Variants in FTL observed in about 807,000 individuals in gnomAD.
FTL encodes epididymis secretory sperm binding protein.
FTL carries 17 observed loss-of-function variants against 16.6 expected under a neutral mutation model. That is an observed-to-expected ratio of 1.02 (90% confidence interval 0.70 to 1.53). The LOEUF is 1.53. FTL is among the 40% of genes most tolerant of loss of function. FTL has a pLI of 0.00. For synonymous variants in FTL, 73 were observed against 89.9 expected, an observed-to-expected ratio of 0.81 and a Z score of 1.06; for missense variants, 186 against 226.1, an observed-to-expected ratio of 0.82 and a Z score of 1.14.
chr19:48,965,836 G>A lies in FTL; in HGVS notation c.169G>A (p.Glu57Lys), dbSNP rs201241191. ...GAGCCACTTCTTCCGCGAATTGGCC[G>A]AGGAGAAGCGCGAGGGCTACGAGCG... ...GVSHFFRELA[E>K]EKREGYERLL... Residue 57 changes from glutamate to lysine, a missense_variant, in exon 2 of 4, where the codon GAG (glutamate) becomes AAG (lysine). Glu to Lys is a moderately conservative substitution (Grantham distance 56, BLOSUM62 1). Transcript: ENST00000331825. 177 of 1,614,072 alleles carry A rather than the reference G, an allele frequency of 1.1e-4. 1 individual carries two copies. The highest frequency in any genetic ancestry group is 1.6e-4 in the Middle Eastern group (1 of 6,084).
chr19:48,965,572 A>G lies in FTL; in HGVS notation c.65A>G (p.Asn22Ser). The G allele has an allele frequency of 6.2e-7, 1 of 1,613,990 alleles. No homozygotes were observed. Among genetic ancestry groups the G allele is most frequent in the Non-Finnish European group, 8.5e-7 (1 of 1,179,922 alleles). The change falls in exon 1 of 4, where the codon AAT becomes AGT. Residue 22 changes from asparagine (N) to serine (S), a missense_variant. Physicochemically the swap from Asn to Ser is conservative, Grantham distance 46 (BLOSUM62 1). Transcript: ENST00000331825. The part of the protein sequence containing the change: ...DVEAAVNSLV[N>S]LYLQASYTYL... Reference sequence around the variant, plus strand: ...GAGGCAGCCGTCAACAGCCTGGTCAATTTGTACCTGCAGGCCTCCTACACC... The same window carrying G: ...GAGGCAGCCGTCAACAGCCTGGTCAGTTTGTACCTGCAGGCCTCCTACACC...
chr19:48,966,700 T>TATC lies in FTL; in HGVS notation c.494_496dup (p.Tyr165_Leu166insHis). On this transcript the variant is annotated inframe_insertion, in exon 4 of 4. Coordinates refer to ENST00000331825, the MANE Select transcript of FTL (RefSeq NM_000146.4). ...TGGCCCGGAGGCTGGGCTGGGCGAG[T>TATC]ATCTCTTCGAAAGGCTCACTCTCAA... 1 of 1,613,222 alleles carries TATC rather than the reference T, an allele frequency of 6.2e-7. No homozygotes were observed. The highest frequency in any genetic ancestry group is 1.1e-5 in the South Asian group (1 of 91,024).
rs1228967800 is a variant in FTL, at chr19:48,966,847, T to C, written c.*112T>C. ...GCTTTCTTAACTATCCTAACAAGCC[T>C]TGGACCAAATGGAAATAAAGCTTTT... On this transcript the variant is annotated 3_prime_UTR_variant, in exon 4 of 4. Coordinates refer to ENST00000331825, the MANE Select transcript of FTL (RefSeq NM_000146.4). 1.6e-5 allele frequency: 18 copies of C among 1,138,814 alleles called. No homozygotes were observed. Among genetic ancestry groups the C allele is most frequent in the Non-Finnish European group, 2.1e-5 (16 of 768,308 alleles). The allele number at this position is 1,138,814 out of a possible 1,614,324, so 70.5% of individuals were successfully genotyped here.
Position 48,965,312 on chromosome 19 carries a change from G to T in FTL, c.-196G>T. 1 of 613,932 alleles carries T rather than the reference G, an allele frequency of 1.6e-6. No individual in the cohort carries two copies. Among genetic ancestry groups the T allele is most frequent in the Non-Finnish European group, 3.0e-6 (1 of 334,742 alleles). 38.0% of individuals were successfully genotyped at this position (613,932 alleles called of 1,614,324 possible). A position where few individuals can be genotyped will look rare whatever the true frequency, so the allele number is the denominator to read the frequency against. On this transcript the variant is annotated 5_prime_UTR_variant, in exon 1 of 4. Transcript: ENST00000331825. ...GCCGCCCTAGCCACGTCCCCTCGCA[G>T]TTCGGCGGTCCCGCGGGTCTGTCTC... is the stretch of plus-strand genomic sequence containing the variant.
chr19:48,966,406 T>C lies in FTL; in HGVS notation c.375T>C (p.His125=), dbSNP rs774193242. 9.3e-6 allele frequency: 15 copies of C among 1,613,948 alleles called. No individual in the cohort carries two copies. The highest frequency in any genetic ancestry group is 5.5e-5 in the South Asian group (5 of 91,076). The part of the protein sequence containing the change: ...HALGSARTDP[H]LCDFLETHFL... ...TGGGTTCTGCCCGCACGGACCCCCA[T>C]GTACGTACCCGCTGCATCCATGGCT... Residue 125 remains histidine, a splice_region_variant and synonymous_variant, in exon 3 of 4, where the codon CAT becomes CAC. Transcript: ENST00000331825.
At position 48,966,751 on chromosome 19, in the gene FTL, A is replaced by G. The variant is rs756977598; in HGVS notation, c.*16A>G. The G allele has an allele frequency of 6.2e-7, 1 of 1,612,302 alleles. No homozygotes were observed. The highest frequency in any genetic ancestry group is 1.1e-5 in the South Asian group (1 of 91,004). On this transcript the variant is annotated 3_prime_UTR_variant, in exon 4 of 4. Coordinates refer to ENST00000331825, the MANE Select transcript of FTL (RefSeq NM_000146.4). The stretch of plus-strand genomic sequence containing the variant: ...GCACGACTAAGAGCCTTCTGAGCCC[A>G]GCGACTTCTGAAGGGCCCCTTGCAA...
In FTL at chr19:48,965,926, G is replaced by A. The variant is rs771771888; in HGVS notation, c.249+10G>A. The A allele has an allele frequency of 3.1e-6, 5 of 1,613,862 alleles. No homozygotes were observed. In the African/African-American group the frequency reaches 5.3e-5, roughly 17 times the overall value. ...CTTCCAGGACATCAAGGTAACTAGT[G>A]TGTGGGTAATGGACTACATCTCCCA... On this transcript the variant is annotated intron_variant, in intron 2 of 3. Transcript: ENST00000331825.
Position 48,965,342 on chromosome 19 carries a change from T to A in FTL, c.-166T>A. ...GCGGTCCCGCGGGTCTGTCTCTTGCTTCAACAGTGTTTGGACGGAACAGAT... is the reference window on the plus strand; with the variant it reads ...GCGGTCCCGCGGGTCTGTCTCTTGCATCAACAGTGTTTGGACGGAACAGAT... On this transcript the variant is annotated 5_prime_UTR_variant, in exon 1 of 4. Transcript: ENST00000331825. 1 of 675,958 alleles carries A rather than the reference T, an allele frequency of 1.5e-6. No homozygotes were observed. Among genetic ancestry groups the A allele is most frequent in the Non-Finnish European group, 2.7e-6 (1 of 369,326 alleles). The allele number at this position is 675,958 out of a possible 1,614,324, so 41.9% of individuals were successfully genotyped here. A position where few individuals can be genotyped will look rare whatever the true frequency, so the allele number is the denominator to read the frequency against.
chr19:48,965,645 C>A, intron 1 of FTL, 36 bp downstream of exon 1: 2 of 1,601,402 alleles, frequency 1.2e-6, no homozygotes, highest in Non-Finnish European at 1.7e-6. Context: ...CTAATTTCCT[C>A]CAGCTGCGCA....
Position 48,966,878 on chromosome 19 carries a change from C to G in FTL, c.*143C>G. ...CAAATGGAAATAAAGCTTTTTGATG[C>G]AGCTGGTGGTTTTGTGTGTGGTGTG... On this transcript the variant is annotated 3_prime_UTR_variant, in exon 4 of 4. Transcript: ENST00000331825. 3 of 889,426 alleles carry G rather than the reference C, an allele frequency of 3.4e-6. No homozygotes were observed. Among genetic ancestry groups the G allele is most frequent in the Admixed American group, 2.0e-5 (1 of 49,824 alleles). 55.1% of individuals were successfully genotyped at this position (889,426 alleles called of 1,614,324 possible).
At position 48,965,756 on chromosome 19, in the gene FTL, A is replaced by T. The variant is rs769222073; in HGVS notation, c.103-14A>T. 7.4e-6 allele frequency: 12 copies of T among 1,613,926 alleles called. No homozygotes were observed. Among genetic ancestry groups the T allele is most frequent in the Middle Eastern group, 1.7e-4 (1 of 6,054 alleles). ...CCTCCCGCTAACCATTGTTGCCTCC[A>T]TCTCTTCCCGTAGGGCTTCTATTTC... On this transcript the variant is annotated splice_polypyrimidine_tract_variant and intron_variant, in intron 1 of 3. Transcript: ENST00000331825.
chr19:48,966,188 T>C (rs1345996792), intron 2 of FTL, 93 bp from the exon 3 acceptor site: 2 of 1,563,468 alleles, frequency 1.3e-6, no homozygotes, highest in African/African-American at 1.4e-5. Flanking sequence ...CTTTGTGGCC[T>C]GGGCCTCTGA....
Position 48,966,384 on chromosome 19 carries a change from G to A in FTL, c.353G>A (p.Gly118Asp). The change falls in exon 3 of 4, where the codon GGT becomes GAT. Residue 118 changes from glycine to aspartate, a missense_variant. Transcript: ENST00000331825. ...NQALLDLHAL[G>D]SARTDPHLCD... ...GCCCTTTTGGATCTTCATGCCCTGGGTTCTGCCCGCACGGACCCCCATGTA... is the reference window on the plus strand; with the variant it reads ...GCCCTTTTGGATCTTCATGCCCTGGATTCTGCCCGCACGGACCCCCATGTA... 2 of 1,614,068 alleles carry A rather than the reference G, an allele frequency of 1.2e-6. No homozygotes were observed. The highest frequency in any genetic ancestry group is 1.7e-6 in the Non-Finnish European group (2 of 1,180,018).
In FTL at chr19:48,965,798, C is replaced by T. The variant is rs11553195; in HGVS notation, c.131C>T (p.Ala44Val). 1.9e-6 allele frequency: 3 copies of T among 1,614,190 alleles called. No individual in the cohort carries two copies. In the Admixed American group the frequency reaches 5.0e-5, roughly 27 times the overall value. ...TTCTATTTCGACCGCGATGATGTGG[C>T]TCTGGAAGGCGTGAGCCACTTCTTC... ...LGFYFDRDDV[A>V]LEGVSHFFRE... The change falls in exon 2 of 4, where the codon GCT (alanine) becomes GTT (valine). Residue 44 changes from alanine (A) to valine (V), a missense_variant. Ala to Val is a moderately conservative substitution (Grantham distance 64, BLOSUM62 0). Coordinates refer to ENST00000331825, the MANE Select transcript of FTL (RefSeq NM_000146.4).
At chr19:48,966,233 C>A in intron 2 of FTL, 48 bp from the exon 3 acceptor site, 1 of 1,613,024 alleles carries the variant, frequency 6.2e-7, no homozygotes, top group East Asian at 2.2e-5. Context: ...AGGTTTAGTT[C>A]TATGTGCCGA....
rs747992760 is a variant in FTL, at chr19:48,965,618, C to T, written c.102+9C>T. 10 of 1,609,174 alleles carry T rather than the reference C, an allele frequency of 6.2e-6. No individual in the cohort carries two copies. The highest frequency in any genetic ancestry group is 4.3e-6 in the Non-Finnish European group (5 of 1,175,622). ...ACACCTACCTCTCTCTGGTGAGTCC[C>T]CAGGACGCCCCTGGCCCTAATTTCC... On this transcript the variant is annotated intron_variant, in intron 1 of 3. Transcript: ENST00000331825.
intron 3 of FTL, 53 bp from the exon 4 acceptor site, chr19:48,966,530 C>CT: frequency 6.2e-7 from 1 of 1,612,356 alleles, no homozygotes; most frequent in East Asian, 2.2e-5. Flanking sequence ...TGGCTGCTCT[C>CT]TCCCCCTCTT....
Position 48,965,899 on chromosome 19 carries a change from C to T in FTL, c.232C>T (p.Leu78Phe), listed in dbSNP as rs751857518. The T allele has an allele frequency of 2.5e-6, 4 of 1,614,134 alleles. No individual in the cohort carries two copies. The highest frequency in any genetic ancestry group is 3.4e-6 in the Non-Finnish European group (4 of 1,179,994). The change falls in exon 2 of 4, where the codon CTC becomes TTC. Residue 78 changes from leucine to phenylalanine, a missense_variant. Coordinates refer to ENST00000331825, the MANE Select transcript of FTL (RefSeq NM_000146.4). The part of the protein sequence containing the change: ...KMQNQRGGRA[L>F]FQDIKKPAED... ...GCAAAACCAGCGTGGCGGCCGCGCT[C>T]TCTTCCAGGACATCAAGGTAACTAG...
At chr19:48,966,553 G>A (rs377321964) in intron 3 of FTL, 30 bp from the exon 4 acceptor site, 2 of 1,613,564 alleles carry the variant, frequency 1.2e-6, no homozygotes, top group Non-Finnish European at 1.7e-6. Context: ...CCAGGGATTG[G>A]GTTTCTAATT....
Sources: allele counts gnomAD v4.1 joint callset, GRCh38; gene constraint gnomAD v4.1.1; transcripts MANE v1.5; gene names NCBI Gene and HGNC (gene_info 2026-07-23, HGNC 2026-07-21).